PARP4: variants seen among roughly 807,000 people sequenced by gnomAD.
PARP4 encodes the protein protein mono-ADP-ribosyltransferase PARP4.
A neutral mutation model predicts 187.7 loss-of-function variants in PARP4; 120 were observed. The ratio of observed to expected loss-of-function variants is 0.64; its 90% confidence interval spans 0.55 to 0.74. The LOEUF is 0.74. Ranked by LOEUF, PARP4 falls within the 30% of genes least tolerant of loss-of-function variation. The pLI, the probability that PARP4 is intolerant of heterozygous loss-of-function variation, is 0.00. For synonymous variants in PARP4, 654 were observed against 740.9 expected (o/e 0.88, Z 1.90); for missense variants, 1,836 against 2,070.5 (o/e 0.89, Z 2.20).
At chr13:24,454,332 G>A (rs1871703984) in intron 22 of PARP4, among the ~76,000 whole-genome samples, 1 of 152,200 alleles carries the variant, frequency 6.6e-6, no homozygotes, top group African/African-American at 2.4e-5. Context: ...CCCAGCAACA[G>A]CAGACTGTAC....
Position 24,455,016 on chromosome 13 carries a change from C to A in PARP4, c.2758+1G>T. 6.3e-7 allele frequency: 1 copy of A among 1,585,730 alleles called. No individual in the cohort carries two copies. Among genetic ancestry groups the A allele is most frequent in the Non-Finnish European group, 8.6e-7 (1 of 1,158,992 alleles). On this transcript the variant is annotated splice_donor_variant, in intron 22 of 33. Transcript: ENST00000381989. LOFTEE classifies it high-confidence loss of function. ...CAGGACCAGGGCCAAAGCGCACTCA[C>A]CTGTGCCGAACTGGATAATATTTAC... is the stretch of plus-strand genomic sequence containing the variant.
chr13:24,512,537 T>C (rs1870075363), intron 1 of PARP4, among the ~76,000 whole-genome samples, 169 bp downstream of exon 1: 1 of 152,274 alleles, frequency 6.6e-6, no homozygotes, highest in African/African-American at 2.4e-5. Flanking sequence ...CCGAGGGCGC[T>C]GGCTGCACTA....
intron 17 of PARP4, among the ~76,000 whole-genome samples, chr13:24,466,008 T>G (rs4770689): frequency 0.51 from 76,770 of 151,414 alleles, 19,709 homozygotes; most frequent in South Asian, 0.64. Context: ...AAAGCAGTGC[T>G]GACCAATGTA....
intron 17 of PARP4, among the ~76,000 whole-genome samples, chr13:24,464,202 C>T (rs1443054646): frequency 6.6e-6 from 1 of 152,124 alleles, no homozygotes; most frequent in Non-Finnish European, 1.5e-5. Context: ...GAATCAATAT[C>T]GTGAAAATGC....
In PARP4 at chr13:24,446,740, G is replaced by T. The variant is rs1300763412; in HGVS notation, c.3307C>A (p.Gln1103Lys). ...ACCATTGTACGAAATTCTTTCTCTT[G>T]AATTAGTGCACACAGAGTTGCCTGA... ...CTQATLCALIQEKEFRTMVST... is the reference protein window; with the variant it reads ...CTQATLCALIKEKEFRTMVST... Residue 1103 changes from glutamine to lysine, a missense_variant, in exon 27 of 34, where the codon CAA becomes AAA. Coordinates refer to ENST00000381989, the MANE Select transcript of PARP4 (RefSeq NM_006437.4). 7.5e-6 allele frequency: 12 copies of T among 1,596,552 alleles called. No individual in the cohort carries two copies. The highest frequency in any genetic ancestry group is 9.4e-6 in the Non-Finnish European group (11 of 1,164,238).
chr13:24,458,748 C>G (rs570331918), intron 20 of PARP4, among the ~76,000 whole-genome samples: 2 of 152,030 alleles, frequency 1.3e-5, no homozygotes, highest in African/African-American at 4.8e-5. Context: ...AAGAGCTACA[C>G]GTCCAACTTC....
intron 17 of PARP4, among the ~76,000 whole-genome samples, chr13:24,466,745 G>A (rs1403696774): frequency 7.1e-6 from 1 of 140,358 alleles, no homozygotes; most frequent in Admixed American, 7.6e-5. Flanking sequence ...GTTGCAGTGA[G>A]CCAAAATCAC....
At position 24,426,567 on chromosome 13, in the gene PARP4, T is replaced by C; in HGVS notation, c.4878A>G (p.Leu1626=). ...ACTGTAGTACCAGCATTGTGGCAAT[T>C]AGGTCCAGGAGACATTCTCTTCCTT... is the stretch of plus-strand genomic sequence containing the variant. The part of the protein sequence containing the change: ...GVKGRECLLD[L]IATMLVLQFI... Residue 1626 remains leucine, a synonymous_variant, in exon 33 of 34, where the codon CTA becomes CTG. Coordinates refer to ENST00000381989, the MANE Select transcript of PARP4 (RefSeq NM_006437.4). 6.2e-7 allele frequency: 1 copy of C among 1,612,842 alleles called. No individual in the cohort carries two copies. Among genetic ancestry groups the C allele is most frequent in the East Asian group, 2.2e-5 (1 of 44,862 alleles).
intron 14 of PARP4, among the ~76,000 whole-genome samples, chr13:24,476,684 C>T (rs764601174): frequency 1.6e-4 from 24 of 152,126 alleles, no homozygotes; most frequent in Middle Eastern, 3.2e-3. Flanking sequence ...TGAACTCATG[C>T]GTTTCTGACA....
chr13:24,482,602 T>C (rs1873336475), intron 12 of PARP4, among the ~76,000 whole-genome samples: 1 of 152,216 alleles, frequency 6.6e-6, no homozygotes, highest in Non-Finnish European at 1.5e-5. Context: ...AAGGCTTAGA[T>C]GATCGTTAGG....
intron 12 of PARP4, among the ~76,000 whole-genome samples, chr13:24,479,929 C>T (rs1018927255): frequency 7.2e-5 from 11 of 152,094 alleles, no homozygotes; most frequent in Non-Finnish European, 1.2e-4. Flanking sequence ...CGCGAGACCA[C>T]GAGCCCACCG....
chr13:24,501,612 T>C (rs965829842), intron 3 of PARP4, 21 bp downstream of exon 3: 4 of 1,558,538 alleles, frequency 2.6e-6, no homozygotes, highest in Admixed American at 1.7e-5. Context: ...ATACGTTAAA[T>C]GCTTGCTATG....
intron 15 of PARP4, among the ~76,000 whole-genome samples, chr13:24,470,325 T>C (rs7328391): frequency 0.51 from 77,304 of 151,992 alleles, 19,990 homozygotes; most frequent in South Asian, 0.65. Context: ...GCTGGAAAAT[T>C]GCCCCTTTCG....
At chr13:24,502,865 A>G (rs533928686) in intron 2 of PARP4, among the ~76,000 whole-genome samples, 2 of 152,344 alleles carry the variant, frequency 1.3e-5, no homozygotes, top group South Asian at 4.1e-4. Flanking sequence ...TCTGGTATTC[A>G]GCTGGAGTTG....
At position 24,447,045 on chromosome 13, in the gene PARP4, C is replaced by T. The variant is rs1410297792; in HGVS notation, c.3256G>A (p.Val1086Ile). Residue 1086 changes from valine (V) to isoleucine (I), a missense_variant, in exon 26 of 34, where the codon GTC becomes ATC. Physicochemically the swap from Val to Ile is conservative, Grantham distance 29. This residue lies in a region of PARP4 where 56 missense variants were observed against 103.7 expected (regional missense o/e 0.54). Coordinates refer to ENST00000381989, the MANE Select transcript of PARP4 (RefSeq NM_006437.4). ...GTGCAGTGAGGAATGAATCCATAGA[C>T]AAGGAGTCGATCATTGAGAAACAAG... ...PSLFLNDRLL[V>I]YGFIPHCTQA... 6.2e-7 allele frequency: 1 copy of T among 1,604,312 alleles called. No homozygotes were observed. Among genetic ancestry groups the T allele is most frequent in the East Asian group, 2.2e-5 (1 of 44,722 alleles).
intron 14 of PARP4, among the ~76,000 whole-genome samples, chr13:24,476,085 C>T (rs1872969231): frequency 6.6e-6 from 1 of 151,908 alleles, no homozygotes; most frequent in Admixed American, 6.6e-5. Flanking sequence ...CTACACCTGG[C>T]CTGCCTTTTT....
At chr13:24,453,491 T>C (rs2137472116) in intron 23 of PARP4, 96 bp downstream of exon 23, 1 of 693,892 alleles carries the variant, frequency 1.4e-6, no homozygotes, top group East Asian at 2.7e-5. Context: ...GGAGTAGGGG[T>C]GCTCTGATGG....
chr13:24,431,506 A>C (rs759178436), intron 31 of PARP4, 30 bp from the exon 32 acceptor site: 2 of 1,376,178 alleles, frequency 1.5e-6, no homozygotes, highest in Admixed American at 3.7e-5. Context: ...AAAATAAGTT[A>C]TGTTATTCAC....
intron 12 of PARP4, among the ~76,000 whole-genome samples, chr13:24,478,486 G>A (rs8002599): frequency 0.51 from 77,341 of 151,762 alleles, 20,008 homozygotes; most frequent in South Asian, 0.65. Flanking sequence ...CTCAGGCTAG[G>A]GTGCAGTGGC....
Sources: allele counts gnomAD v4.1 joint callset (sites outside exome capture counted in the v4.1 genomes callset), GRCh38; gene constraint gnomAD v4.1.1; regional missense constraint gnomAD v4.1.1; transcripts MANE v1.5; gene names NCBI Gene and HGNC (gene_info 2026-07-23, HGNC 2026-07-21).